SYT1: variants seen among roughly 807,000 people sequenced by gnomAD.
SYT1 encodes the protein synaptotagmin-1.
Under a neutral mutation model 44.8 loss-of-function variants are expected in SYT1, and 8 were observed. The observed-to-expected ratio is 0.18, with a 90% confidence interval of 0.10 to 0.32. The LOEUF is 0.32. Among genes scored for constraint, SYT1 ranks in the 10% least tolerant of loss-of-function variants. The probability of loss-of-function intolerance (pLI) is 1.00; values close to 1 mark genes in which losing one functional copy is unlikely to be tolerated. For missense variants in SYT1, 286 were observed against 509.3 expected (o/e 0.56, Z 4.22); for synonymous variants, 154 against 188.8 (o/e 0.82, Z 1.51).
chr12:79,182,278 C>T (rs1872588609), intron 3 of SYT1, among the ~76,000 whole-genome samples: 1 of 152,020 alleles, frequency 6.6e-6, no homozygotes, highest in Admixed American at 6.6e-5. Flanking sequence ...ATGTTTGGTA[C>T]TACTGATTGG....
At chr12:79,168,499 C>T (rs967463122) in intron 3 of SYT1, among the ~76,000 whole-genome samples, 8 of 152,046 alleles carry the variant, frequency 5.3e-5, no homozygotes, top group Non-Finnish European at 1.0e-4. Flanking sequence ...CTCTTTCACA[C>T]AGAATATTGC....
At position 79,046,578 on chromosome 12, in the gene SYT1, A is replaced by T. The variant is rs565668194; in HGVS notation, c.-83-719A>T. 3.9e-5 allele frequency: 6 copies of T among 152,074 alleles called. No homozygotes were observed. In the East Asian group the frequency reaches 1.2e-3, roughly 29 times the overall value. 9.4% of individuals were successfully genotyped at this position (152,074 alleles called of 1,614,324 possible). On this transcript the variant is annotated intron_variant, in intron 2 of 10. Transcript: ENST00000261205. ...AATGTTGCCTCTTGAGAAGGGTTTAATTTTTTTACTCTTTAAACTGAAAGT... is the reference window on the plus strand; with the variant it reads ...AATGTTGCCTCTTGAGAAGGGTTTATTTTTTTTACTCTTTAAACTGAAAGT...
intron 9 of SYT1, among the ~76,000 whole-genome samples, chr12:79,416,169 C>A (rs1478886050): frequency 2.0e-5 from 3 of 152,130 alleles, no homozygotes; most frequent in African/African-American, 7.2e-5. Context: ...CAAGTCTGAG[C>A]TGCTGACAGC....
chr12:78,999,560 T>C (rs1382083125), intron 2 of SYT1, among the ~76,000 whole-genome samples: 1 of 152,176 alleles, frequency 6.6e-6, no homozygotes, highest in Non-Finnish European at 1.5e-5. Context: ...CTACTTTGGA[T>C]GGAATGTATA....
intron 9 of SYT1, among the ~76,000 whole-genome samples, chr12:79,385,224 T>C (rs1884389373): frequency 6.6e-6 from 1 of 152,098 alleles, no homozygotes; most frequent in Non-Finnish European, 1.5e-5. Context: ...TGCCCTCAAG[T>C]GATCTGCCAG....
intron 1 of SYT1, among the ~76,000 whole-genome samples, chr12:78,875,280 G>C (rs1874007001): frequency 6.6e-6 from 1 of 151,570 alleles, no homozygotes; most frequent in South Asian, 2.1e-4. Flanking sequence ...TTTGGATGCT[G>C]GGGATACAGA....
At chr12:79,303,452 T>C (rs986188329) in intron 8 of SYT1, among the ~76,000 whole-genome samples, 1 of 152,108 alleles carries the variant, frequency 6.6e-6, no homozygotes, top group Non-Finnish European at 1.5e-5. Context: ...CTCTCATGAC[T>C]TGAGCAGTAC....
intron 9 of SYT1, among the ~76,000 whole-genome samples, chr12:79,389,942 C>CTT: frequency 7.3e-6 from 1 of 137,176 alleles, no homozygotes. Flanking sequence ...TTTTTTTTTT[C>CTT]TTTTTTTTGA....
At chr12:79,346,204 A>G (rs1210144796) in intron 8 of SYT1, among the ~76,000 whole-genome samples, 2 of 152,176 alleles carry the variant, frequency 1.3e-5, no homozygotes, top group East Asian at 1.9e-4. Context: ...CAAGCTTTTT[A>G]TTTATCCATT....
intron 8 of SYT1, among the ~76,000 whole-genome samples, chr12:79,345,390 C>G (rs1268912628): frequency 1.3e-5 from 2 of 152,134 alleles, no homozygotes; most frequent in African/African-American, 4.8e-5. Context: ...GTAGTACAGT[C>G]AATGCATTAT....
At chr12:79,013,604 G>A (rs569653066) in intron 2 of SYT1, among the ~76,000 whole-genome samples, 22 of 152,076 alleles carry the variant, frequency 1.4e-4, no homozygotes, top group Admixed American at 7.2e-4. Flanking sequence ...TATTTCCTGC[G>A]TTTTTTCCTC....
intron 3 of SYT1, among the ~76,000 whole-genome samples, chr12:79,064,171 G>A (rs1018356921): frequency 6.6e-6 from 1 of 152,108 alleles, no homozygotes; most frequent in African/African-American, 2.4e-5. Context: ...AAGAAATGAG[G>A]AATGAAGAAA....
rs59524429 is a variant in SYT1 at position 79,347,041 on chromosome 12, CTTTTTT to C, written c.811-6449_811-6444del. The stretch of plus-strand genomic sequence containing the variant: ...TTGTTTGTTTGTGTGTTTGTTTTTT[CTTTTTT>C]TTTTTTTTTTTGAACATGGACTAGG... On this transcript the variant is annotated intron_variant, in intron 8 of 10. Transcript: ENST00000261205. 8.6e-3 allele frequency among the ~76,000 whole-genome samples: 1,087 copies of C among 125,944 alleles called. 12 individuals carry two copies. Among genetic ancestry groups the C allele is most frequent in the African/African-American group, 0.028 (1,000 of 35,320 alleles). 82.6% of individuals were successfully genotyped at this position (125,944 alleles called of 152,430 possible).
intron 3 of SYT1, among the ~76,000 whole-genome samples, chr12:79,179,494 T>G (rs1045646309): frequency 1.1e-4 from 12 of 108,452 alleles, no homozygotes; most frequent in Non-Finnish European, 1.6e-4. Context: ...TAGATATATC[T>G]ATATAGATAT....
At chr12:79,399,931 G>T (rs1020715016) in intron 9 of SYT1, among the ~76,000 whole-genome samples, 2 of 152,142 alleles carry the variant, frequency 1.3e-5, no homozygotes, top group African/African-American at 4.8e-5. Flanking sequence ...ATATCCACAA[G>T]TACAATATCA....
At chr12:79,168,260 G>A (rs1432668160) in intron 3 of SYT1, among the ~76,000 whole-genome samples, 2 of 152,124 alleles carry the variant, frequency 1.3e-5, no homozygotes, top group Admixed American at 1.3e-4. Context: ...ACCTCCCTAA[G>A]CCTCAGTTTC....
chr12:78,873,681 T>A (rs1002623994), intron 1 of SYT1, among the ~76,000 whole-genome samples: 3 of 151,722 alleles, frequency 2.0e-5, no homozygotes, highest in African/African-American at 7.2e-5. Context: ...ATTCTCCTCA[T>A]TGATATTCAT....
intron 8 of SYT1, among the ~76,000 whole-genome samples, chr12:79,327,113 C>T (rs977802244): frequency 2.0e-5 from 3 of 151,768 alleles, no homozygotes; most frequent in African/African-American, 7.3e-5. Flanking sequence ...ATATGTTAAA[C>T]TTGACAATTT....
chr12:78,945,945 C>T (rs1224186238), intron 1 of SYT1, among the ~76,000 whole-genome samples: 1 of 152,018 alleles, frequency 6.6e-6, no homozygotes, highest in African/African-American at 2.4e-5. Context: ...AAGTCTAGTT[C>T]AAAATATCCA....
Sources: gnomAD v4.1 joint callset for allele counts (sites outside exome capture counted in the v4.1 genomes callset) on GRCh38, gnomAD v4.1.1 for gene constraint, MANE v1.5 for transcripts, NCBI Gene and HGNC (gene_info 2026-07-23, HGNC 2026-07-21) for gene names.